The following PCDHGA2 variants were observed in gnomAD, a reference collection of about 807,000 sequenced individuals.
The protein encoded by PCDHGA2 is protocadherin gamma-A2.
A neutral mutation model predicts 59.2 loss-of-function variants in PCDHGA2; 40 were observed. The observed-to-expected ratio is 0.68, with a 90% CI of 0.52 to 0.88. PCDHGA2 has a LOEUF of 0.88. Ranked by LOEUF, PCDHGA2 falls within the 40% of genes least tolerant of loss-of-function variation. The pLI is 0.00. For synonymous variants in PCDHGA2, 560 were observed against 526.0 expected, an observed-to-expected ratio of 1.06 and a Z score of -0.89; for missense variants, 1,226 against 1,204.0, an observed-to-expected ratio of 1.02 and a Z score of -0.27.
intron 1 of PCDHGA2, among the ~76,000 whole-genome samples, chr5:141,437,990 C>G (rs1298325497): frequency 1.3e-5 from 2 of 152,148 alleles, no homozygotes; most frequent in Non-Finnish European, 2.9e-5. Flanking sequence ...CCCACCCCAC[C>G]TCAGCCTCCC....
intron 1 of PCDHGA2, among the ~76,000 whole-genome samples, chr5:141,443,131 A>G (rs1042010214): frequency 7.2e-5 from 11 of 152,144 alleles, no homozygotes; most frequent in Non-Finnish European, 1.6e-4. Context: ...GATTAAGAAC[A>G]CTATCATAAG....
intron 1 of PCDHGA2, among the ~76,000 whole-genome samples, chr5:141,472,131 A>C (rs565506002): frequency 6.6e-6 from 1 of 152,264 alleles, no homozygotes; most frequent in Non-Finnish European, 1.5e-5. Flanking sequence ...AGAGAAGTTA[A>C]AAATAAAAGT....
At chr5:141,371,761 CCTA>C (rs1486691481) in intron 1 of PCDHGA2, 4 of 1,614,030 alleles carry the variant, frequency 2.5e-6, no homozygotes, top group Non-Finnish European at 3.4e-6. Context: ...CACCAGGCCT[CCTA>C]CACCGTGCAT....
rs754294132 is a variant in PCDHGA2, at chr5:141,389,121, A to G, written c.2424+47726A>G. ...AGATGCTGTTCTAGACCGCGAGCAG[A>G]ATCCAGAGTACAATATAACCGTTAC... is the stretch of plus-strand genomic sequence containing the variant. On this transcript the variant is annotated intron_variant, in intron 1 of 3. Coordinates refer to ENST00000394576, the MANE Select transcript of PCDHGA2 (RefSeq NM_018915.4). The G allele has an allele frequency of 1.1e-5, 17 of 1,613,910 alleles. No individual in the cohort carries two copies. In the Admixed American group the frequency reaches 2.8e-4, roughly 27 times the overall value.
At position 141,366,659 on chromosome 5, in the gene PCDHGA2, G is replaced by A. The variant is rs757940050; in HGVS notation, c.2424+25264G>A. The A allele has an allele frequency of 1.1e-5, 17 of 1,614,250 alleles. No homozygotes were observed. The Admixed American group carries it at 1.5e-4, about 14-fold the overall frequency. On this transcript the variant is annotated intron_variant, in intron 1 of 3. Coordinates refer to ENST00000394576, the MANE Select transcript of PCDHGA2 (RefSeq NM_018915.4). The stretch of plus-strand genomic sequence containing the variant: ...GATCTTTCCCCAGCCCAACTACGCA[G>A]ACACGCTCCTTAGTGAAGAGAGCTG...
chr5:141,359,980 TAGAG>T (rs1761379708), intron 1 of PCDHGA2: 2 of 851,316 alleles, frequency 2.3e-6, no homozygotes, highest in African/African-American at 3.4e-5. Context: ...GGGAGCCTCT[TAGAG>T]GGGAACTTCC....
Position 141,419,013 on chromosome 5 carries a change from G to C in PCDHGA2, c.2425-75794G>C, listed in dbSNP as rs746229802. The C allele has an allele frequency of 6.9e-5, 111 of 1,613,840 alleles. No individual in the cohort carries two copies. In the East Asian group the frequency reaches 2.4e-3, roughly 35 times the overall value. ...GGGGAAAATGGGGAAGTCAGGTGTA[G>C]CTTAAGTAGAGGTGTTCCATTTAAG... is the stretch of plus-strand genomic sequence containing the variant. On this transcript the variant is annotated intron_variant, in intron 1 of 3. Transcript: ENST00000394576.
chr5:141,402,704 T>C (rs1237933133), intron 1 of PCDHGA2, among the ~76,000 whole-genome samples: 1 of 152,216 alleles, frequency 6.6e-6, no homozygotes, highest in East Asian at 1.9e-4. Flanking sequence ...TCAGTGGGTG[T>C]AGTAACGGCT....
At chr5:141,393,664 T>G in intron 1 of PCDHGA2, 1 of 1,613,772 alleles carries the variant, frequency 6.2e-7, no homozygotes, top group Non-Finnish European at 8.5e-7. Flanking sequence ...TTCCGGAAAA[T>G]TAATGAAAAA....
Position 141,510,999 on chromosome 5 carries a change from G to C in PCDHGA2, c.2625G>C (p.Leu875Phe). Residue 875 changes from leucine (L) to phenylalanine (F), a missense_variant, in exon 4 of 4, where the codon TTG (leucine) becomes TTC (phenylalanine). Coordinates refer to ENST00000394576, the MANE Select transcript of PCDHGA2 (RefSeq NM_018915.4). ...GAGGGGGTGCCGGCACCATGGGATT[G>C]AGCGCCCGCTACGGACCCCAGTTCA... ...TLGGGAGTMG[L>F]SARYGPQFTL... 6.2e-7 allele frequency: 1 copy of C among 1,614,144 alleles called. No homozygotes were observed. Among genetic ancestry groups the C allele is most frequent in the Non-Finnish European group, 8.5e-7 (1 of 1,180,008 alleles).
chr5:141,481,503 G>A (rs1006282101), intron 1 of PCDHGA2, among the ~76,000 whole-genome samples: 3 of 152,236 alleles, frequency 2.0e-5, no homozygotes, highest in African/African-American at 7.2e-5. Context: ...TGCATGGTAT[G>A]TGAATTATGT....
At chr5:141,389,113 G>A in intron 1 of PCDHGA2, 1 of 1,613,970 alleles carries the variant, frequency 6.2e-7, no homozygotes, top group South Asian at 1.1e-5. Flanking sequence ...GTTCTAGACC[G>A]CGAGCAGAAT....
chr5:141,364,611 A>C, intron 1 of PCDHGA2: 1 of 1,614,182 alleles, frequency 6.2e-7, no homozygotes, highest in African/African-American at 1.3e-5. Context: ...GACCGGGAGG[A>C]GCTCTGCGCT....
Position 141,495,110 on chromosome 5 carries a change from T to C in PCDHGA2, c.2483+245T>C, listed in dbSNP as rs74534116. Among the ~76,000 whole-genome samples the C allele has an allele frequency of 3.9e-3, 595 of 152,212 alleles. 3 individuals carry two copies. The highest frequency in any genetic ancestry group is 0.013 in the African/African-American group (538 of 41,532). On this transcript the variant is annotated intron_variant, in intron 2 of 3. Coordinates refer to ENST00000394576, the MANE Select transcript of PCDHGA2 (RefSeq NM_018915.4). The stretch of plus-strand genomic sequence containing the variant: ...TTCCCTCCTCGCCACGACCGGCACC[T>C]TTTCCTATCCCCTGAGGGCACTGTG...
chr5:141,424,140 C>A, intron 1 of PCDHGA2: 1 of 356,082 alleles, frequency 2.8e-6, no homozygotes, highest in Non-Finnish European at 4.1e-6. Flanking sequence ...TAATAGCATG[C>A]TCCCTCTAGC....
At chr5:141,455,430 G>C (rs190218223) in intron 1 of PCDHGA2, among the ~76,000 whole-genome samples, 1 of 152,274 alleles carries the variant, frequency 6.6e-6, no homozygotes, top group Admixed American at 6.5e-5. Flanking sequence ...CTCCAAAAGA[G>C]GAGGTCCCCA....
At chr5:141,345,259 C>G in intron 1 of PCDHGA2, 1 of 1,613,932 alleles carries the variant, frequency 6.2e-7, no homozygotes, top group African/African-American at 1.3e-5. Context: ...ACGGCCACAT[C>G]CCTGGACCGC....
intron 1 of PCDHGA2, among the ~76,000 whole-genome samples, chr5:141,455,201 CAATAAGAGTTTTT>C (rs1373301624): frequency 6.6e-6 from 1 of 151,722 alleles, no homozygotes; most frequent in Non-Finnish European, 1.5e-5. Flanking sequence ...AATTTACAAC[CAATAAGAGTTTTT>C]AATGCTTTGA....
At chr5:141,350,479 C>G (rs376831132) in intron 1 of PCDHGA2, 1 of 1,613,916 alleles carries the variant, frequency 6.2e-7, no homozygotes, top group Non-Finnish European at 8.5e-7. Flanking sequence ...ATTATTTCAA[C>G]GTTAGTTTGG....
Sources: gnomAD v4.1 joint callset for allele counts (sites outside exome capture counted in the v4.1 genomes callset) on GRCh38, gnomAD v4.1.1 for gene constraint, MANE v1.5 for transcripts, NCBI Gene and HGNC (gene_info 2026-07-23, HGNC 2026-07-21) for gene names.